Variants in DLGAP4 observed in about 807,000 individuals in gnomAD.
DLGAP4 encodes disks large-associated protein 4.
A neutral mutation model predicts 86.9 loss-of-function variants in DLGAP4; 18 were observed. The ratio of observed to expected loss-of-function variants is 0.21; its 90% confidence interval spans 0.14 to 0.31. DLGAP4 has a LOEUF of 0.31. DLGAP4 is among the 10% of genes least tolerant of loss of function. The probability of loss-of-function intolerance (pLI) is 1.00; values close to 1 mark genes in which losing one functional copy is unlikely to be tolerated. For synonymous variants in DLGAP4, 548 were observed against 574.3 expected (o/e 0.95, Z 0.65); for missense variants, 1,085 against 1,362.6 (o/e 0.80, Z 3.21).
intron 1 of DLGAP4, among the ~76,000 whole-genome samples, chr20:36,330,036 A>G (rs1240164054): frequency 6.6e-6 from 1 of 152,020 alleles, no homozygotes; most frequent in Non-Finnish European, 1.5e-5. Flanking sequence ...AAAAAAAAAA[A>G]AAAAGACTGA....
In DLGAP4 at chr20:36,494,490, A is replaced by G. The variant is rs556447323; in HGVS notation, c.1649-2215A>G. Among the ~76,000 whole-genome samples, 40 of 152,334 alleles carry G rather than the reference A, an allele frequency of 2.6e-4. No homozygotes were observed. In the Middle Eastern group the frequency reaches 0.01, roughly 39 times the overall value. ...AAAAAATAATACAAAGGGATTCTTC[A>G]TACCCCTTACTCGATTTCCCTCAAT... On this transcript the variant is annotated intron_variant, in intron 7 of 12. Coordinates refer to ENST00000339266, the MANE Select transcript of DLGAP4 (RefSeq NM_001365621.2).
At chr20:36,451,907 T>G (rs1305364513) in intron 7 of DLGAP4, among the ~76,000 whole-genome samples, 3 of 151,876 alleles carry the variant, frequency 2.0e-5, no homozygotes, top group Non-Finnish European at 4.4e-5. Context: ...ATTACAGGTA[T>G]GCACCACCAT....
intron 1 of DLGAP4, among the ~76,000 whole-genome samples, chr20:36,339,846 C>T (rs1330769498): frequency 1.3e-5 from 2 of 152,118 alleles, no homozygotes; most frequent in Admixed American, 6.5e-5. Flanking sequence ...ATGGAGGGGA[C>T]GCACAGCTCC....
chr20:36,436,368 C>A lies in DLGAP4; in HGVS notation c.1241+18C>A. On this transcript the variant is annotated intron_variant, in intron 4 of 12. Coordinates refer to ENST00000339266, the MANE Select transcript of DLGAP4 (RefSeq NM_001365621.2). ...CCCCGCAGGTAGGCGCGCAGCTCCACCCTTACGGTCCCGCCCAGAGGCAAG... is the reference window on the plus strand; with the variant it reads ...CCCCGCAGGTAGGCGCGCAGCTCCAACCTTACGGTCCCGCCCAGAGGCAAG... The A allele has an allele frequency of 3.8e-6, 6 of 1,574,154 alleles. No homozygotes were observed. Among genetic ancestry groups the A allele is most frequent in the Non-Finnish European group, 5.2e-6 (6 of 1,164,122 alleles).
intron 2 of DLGAP4, among the ~76,000 whole-genome samples, chr20:36,386,333 G>A (rs917733087): frequency 8.6e-5 from 13 of 151,802 alleles, no homozygotes; most frequent in Admixed American, 1.3e-4. Context: ...GCACCTGTCA[G>A]CACAGAGCAA....
chr20:36,368,183 C>T (rs1237687635), intron 2 of DLGAP4, among the ~76,000 whole-genome samples: 1 of 152,224 alleles, frequency 6.6e-6, no homozygotes, highest in Non-Finnish European at 1.5e-5. Flanking sequence ...TCTTACCTCC[C>T]TCCACCCAGA....
chr20:36,360,968 C>T (rs558439135), intron 1 of DLGAP4, among the ~76,000 whole-genome samples: 1 of 151,994 alleles, frequency 6.6e-6, no homozygotes, highest in Non-Finnish European at 1.5e-5. Context: ...TCGGGCTGCA[C>T]AGAGAGACTC....
In DLGAP4 at chr20:36,518,830, A is replaced by T. The variant is rs763071968; in HGVS notation, c.2513-5420A>T. ...TTTAAAAAATAAATAAATAAATAAA[A>T]AATTAGGCCGGGCGCAGTGGTTCAT... On this transcript the variant is annotated intron_variant, in intron 10 of 12. Transcript: ENST00000339266. Among the ~76,000 whole-genome samples the T allele has an allele frequency of 1.3e-4, 20 of 152,082 alleles. No homozygotes were observed. In the East Asian group the frequency reaches 2.1e-3, roughly 16 times the overall value.
intron 1 of DLGAP4, among the ~76,000 whole-genome samples, chr20:36,343,620 C>T (rs1395662550): frequency 2.9e-5 from 4 of 140,194 alleles, no homozygotes; most frequent in African/African-American, 1.2e-4. Flanking sequence ...CTACCAGGTA[C>T]CCCCCCCCAA....
intron 7 of DLGAP4, chr20:36,461,407 CG>C (rs1408569589): frequency 5.2e-6 from 5 of 961,166 alleles, no homozygotes; most frequent in South Asian, 9.4e-5. Flanking sequence ...GCGGCTGACG[CG>C]GGGGGCGGGG....
At chr20:36,474,457 C>T (rs897136475) in intron 7 of DLGAP4, among the ~76,000 whole-genome samples, 1 of 152,242 alleles carries the variant, frequency 6.6e-6, no homozygotes, top group African/African-American at 2.4e-5. Flanking sequence ...ATCACTCCAT[C>T]TGGGCAGTTT....
chr20:36,509,733 G>C (rs1175180154), intron 10 of DLGAP4, among the ~76,000 whole-genome samples: 3 of 152,252 alleles, frequency 2.0e-5, no homozygotes, highest in East Asian at 3.9e-4. Context: ...CTGGACAACA[G>C]AGTGAGACCC....
intron 1 of DLGAP4, among the ~76,000 whole-genome samples, chr20:36,365,643 G>A (rs1238792594): frequency 3.3e-5 from 5 of 152,166 alleles, no homozygotes; most frequent in Non-Finnish European, 7.3e-5. Flanking sequence ...AGATGACATT[G>A]TAAGGCTGTG....
chr20:36,456,733 A>T (rs1463477802), intron 7 of DLGAP4, among the ~76,000 whole-genome samples: 1 of 152,164 alleles, frequency 6.6e-6, no homozygotes, highest in African/African-American at 2.4e-5. Flanking sequence ...AGATCCACTC[A>T]GCCTTCTGGG....
chr20:36,462,386 C>G (rs2034128579), intron 7 of DLGAP4: 1 of 1,409,058 alleles, frequency 7.1e-7, no homozygotes, highest in Non-Finnish European at 9.1e-7. Flanking sequence ...TCGGTGGTCT[C>G]GCCACTCTGT....
chr20:36,413,043 G>A (rs555029789), intron 2 of DLGAP4, among the ~76,000 whole-genome samples: 5 of 146,726 alleles, frequency 3.4e-5, no homozygotes, highest in Admixed American at 1.4e-4. Context: ...ACAGTGTTGC[G>A]ATCTTGGCTC....
chr20:36,479,236 T>C (rs2035077191), intron 7 of DLGAP4, among the ~76,000 whole-genome samples: 1 of 152,126 alleles, frequency 6.6e-6, no homozygotes, highest in Non-Finnish European at 1.5e-5. Flanking sequence ...GCTTGCCAAG[T>C]TGTCTCTTAC....
intron 4 of DLGAP4, among the ~76,000 whole-genome samples, chr20:36,438,262 T>A (rs910136124): frequency 8.6e-5 from 13 of 151,860 alleles, no homozygotes; most frequent in Admixed American, 3.9e-4. Context: ...TAATCCCAGC[T>A]ACTAGGGAGG....
chr20:36,453,640 A>G (rs1334708606), intron 7 of DLGAP4, among the ~76,000 whole-genome samples: 1 of 151,954 alleles, frequency 6.6e-6, no homozygotes, highest in Non-Finnish European at 1.5e-5. Flanking sequence ...CTTTAAAAAA[A>G]AGAAAAAAGA....
Sources: allele counts gnomAD v4.1 joint callset (sites outside exome capture counted in the v4.1 genomes callset), GRCh38; gene constraint gnomAD v4.1.1; transcripts MANE v1.5; gene names NCBI Gene and HGNC (gene_info 2026-07-23, HGNC 2026-07-21).